Variants in SRPK2 observed in about 807,000 individuals in gnomAD.
The protein encoded by SRPK2 is SFRS protein kinase 2.
A neutral mutation model predicts 90.8 loss-of-function variants in SRPK2; 21 were observed. The observed-to-expected ratio is 0.23, with a 90% CI of 0.16 to 0.33. The LOEUF is 0.33. SRPK2 is among the 10% of genes least tolerant of loss of function. The probability of loss-of-function intolerance (pLI) is 1.00; values close to 1 mark genes in which losing one functional copy is unlikely to be tolerated. For missense variants in SRPK2, 620 were observed against 869.0 expected, an observed-to-expected ratio of 0.71 and a Z score of 3.60; for synonymous variants, 288 against 311.1, an observed-to-expected ratio of 0.93 and a Z score of 0.78.
At chr7:105,311,098 G>C (rs1308373216) in intron 2 of SRPK2, among the ~76,000 whole-genome samples, 1 of 152,004 alleles carries the variant, frequency 6.6e-6, no homozygotes, top group African/African-American at 2.4e-5. Context: ...TACCAAAAAA[G>C]TGAAAAGGCA....
At chr7:105,153,965 C>T (rs1393373010) in intron 7 of SRPK2, among the ~76,000 whole-genome samples, 1 of 152,208 alleles carries the variant, frequency 6.6e-6, no homozygotes, top group Non-Finnish European at 1.5e-5. Flanking sequence ...AAGGCAGGTC[C>T]CACCAACTGC....
intron 2 of SRPK2, among the ~76,000 whole-genome samples, chr7:105,345,335 A>G (rs1816333142): frequency 6.6e-6 from 1 of 152,206 alleles, no homozygotes; most frequent in Non-Finnish European, 1.5e-5. Flanking sequence ...TCAAATGTCA[A>G]GAGTCCATTA....
At chr7:105,389,247 G>C (rs771375222), upstream of SRPK2, 2 of 1,253,658 alleles carry the variant, frequency 1.6e-6, no homozygotes, top group Non-Finnish European at 2.1e-6. Flanking sequence ...TCCGCACCCC[G>C]GCCGGTCGCG....
chr7:105,359,803 T>G (rs915176359), intron 2 of SRPK2, among the ~76,000 whole-genome samples: 2 of 152,212 alleles, frequency 1.3e-5, no homozygotes, highest in Non-Finnish European at 2.9e-5. Context: ...ATAAATCTTG[T>G]GATCAATTTT....
At chr7:105,168,646 C>T (rs1056957238) in intron 4 of SRPK2, among the ~76,000 whole-genome samples, 2 of 151,452 alleles carry the variant, frequency 1.3e-5, no homozygotes, top group Non-Finnish European at 2.9e-5. Context: ...ACTAGATAAA[C>T]ATCAGAGTTA....
At chr7:105,184,143 T>A (rs1331476671) in intron 3 of SRPK2, among the ~76,000 whole-genome samples, 3 of 151,088 alleles carry the variant, frequency 2.0e-5, no homozygotes, top group African/African-American at 7.3e-5. Flanking sequence ...ACCTGGCTAA[T>A]TTTTTTTGTA....
intron 2 of SRPK2, among the ~76,000 whole-genome samples, chr7:105,229,317 A>G (rs965204748): frequency 6.6e-6 from 1 of 152,132 alleles, no homozygotes; most frequent in African/African-American, 2.4e-5. Flanking sequence ...CAAAAAAATT[A>G]GCCGGGCATA....
intron 2 of SRPK2, among the ~76,000 whole-genome samples, chr7:105,359,046 A>G (rs1252708846): frequency 6.6e-6 from 1 of 151,726 alleles, no homozygotes; most frequent in African/African-American, 2.4e-5. Flanking sequence ...TTCAAGAGGG[A>G]TCCACCCCCT....
chr7:105,331,334 A>AAAAAAAC (rs1563248718), intron 2 of SRPK2, among the ~76,000 whole-genome samples: 2 of 145,940 alleles, frequency 1.4e-5, no homozygotes, highest in African/African-American at 5.3e-5. Context: ...AAAAAAAAAA[A>AAAAAAAC]AAACAAATAG....
At chr7:105,244,825 G>A (rs1011677897) in intron 2 of SRPK2, 14 of 982,280 alleles carry the variant, frequency 1.4e-5, no homozygotes, top group Middle Eastern at 3.1e-4. Flanking sequence ...AGCACGCCAA[G>A]GAGTTACTGA....
intron 2 of SRPK2, among the ~76,000 whole-genome samples, chr7:105,291,070 T>C (rs1385780549): frequency 3.6e-5 from 4 of 111,314 alleles, no homozygotes; most frequent in Non-Finnish European, 7.7e-5. Context: ...AAAAAAGAAA[T>C]GAAGACTGGG....
chr7:105,175,520 A>G (rs79228657), intron 3 of SRPK2, among the ~76,000 whole-genome samples: 1,766 of 152,222 alleles, frequency 0.012, 28 homozygotes, highest in African/African-American at 0.041. Context: ...TAATAATAAT[A>G]TGAACTATAA....
At chr7:105,158,362 C>A (rs568243971) in intron 7 of SRPK2, among the ~76,000 whole-genome samples, 5 of 151,972 alleles carry the variant, frequency 3.3e-5, no homozygotes, top group Admixed American at 2.6e-4. Context: ...TCAAGTAATT[C>A]TCCTGCCTCA....
intron 2 of SRPK2, among the ~76,000 whole-genome samples, chr7:105,341,369 AAAAAAAAAAAAAG>A (rs369107312): frequency 0.43 from 63,274 of 145,972 alleles, 15,026 homozygotes; most frequent in Non-Finnish European, 0.53. Flanking sequence ...AAAAAAAAAA[AAAAAAAAAAAAAG>A]GGGGAATGTG....
intron 4 of SRPK2, among the ~76,000 whole-genome samples, chr7:105,168,729 C>T (rs533709157): frequency 1.1e-5 from 1 of 90,644 alleles, no homozygotes; most frequent in South Asian, 3.8e-4. Context: ...TACACACACA[C>T]ACACACACGC....
chr7:105,212,741 C>G (rs533224205), intron 2 of SRPK2, among the ~76,000 whole-genome samples: 1 of 152,148 alleles, frequency 6.6e-6, no homozygotes, highest in Non-Finnish European at 1.5e-5. Context: ...TGGGAAAACG[C>G]TGCAATTGTT....
intron 2 of SRPK2, among the ~76,000 whole-genome samples, chr7:105,331,932 G>T (rs1248827771): frequency 6.6e-6 from 1 of 152,014 alleles, no homozygotes; most frequent in East Asian, 1.9e-4. Context: ...GCCAAGGCAG[G>T]TGAATCACAT....
intron 3 of SRPK2, among the ~76,000 whole-genome samples, chr7:105,186,850 C>T (rs1205255636): frequency 2.6e-5 from 4 of 152,172 alleles, no homozygotes; most frequent in African/African-American, 7.2e-5. Flanking sequence ...TCTGAGGCCA[C>T]CATGCTCTGA....
At chr7:105,277,138 G>A (rs7782827) in intron 2 of SRPK2, among the ~76,000 whole-genome samples, 66,308 of 151,652 alleles carry the variant, frequency 0.44, 15,805 homozygotes, top group South Asian at 0.54. Flanking sequence ...GTGCAGTGGC[G>A]TGATCTCCGC....
Sources: allele counts gnomAD v4.1 joint callset (sites outside exome capture counted in the v4.1 genomes callset), GRCh38; gene constraint gnomAD v4.1.1; transcripts MANE v1.5; gene names NCBI Gene and HGNC (gene_info 2026-07-23, HGNC 2026-07-21).